The following NYAP2 variants were observed in gnomAD, a reference collection of about 807,000 sequenced individuals.
The protein encoded by NYAP2 is neuronal tyrosine-phosphorylated phosphoinositide-3-kinase adaptor 2.
Under a neutral mutation model 50.4 loss-of-function variants are expected in NYAP2, and 23 were observed. The observed-to-expected ratio is 0.46, with a 90% CI of 0.33 to 0.65. The LOEUF (loss-of-function observed/expected upper bound fraction) is 0.65. Among genes scored for constraint, NYAP2 ranks in the 30% least tolerant of loss-of-function variants. NYAP2 has a pLI of 0.02. For synonymous variants in NYAP2, 394 were observed against 365.2 expected, an observed-to-expected ratio of 1.08 and a Z score of -0.90; for missense variants, 885 against 861.0, an observed-to-expected ratio of 1.03 and a Z score of -0.35.
rs563365063 is a variant in NYAP2, at chr2:225,636,482, T to G, written c.1828+9356T>G. ...TAATCATGCCCTTGGTAATGTGCTT[T>G]CTTTTTTTTTTTTTAATTTCATTAT... On this transcript the variant is annotated intron_variant, in intron 6 of 6. Transcript: ENST00000636099. 4.4e-3 allele frequency among the ~76,000 whole-genome samples: 342 copies of G among 76,894 alleles called. 1 individual carries two copies. Among genetic ancestry groups the G allele is most frequent in the African/African-American group, 0.015 (328 of 21,498 alleles). The allele number at this position is 76,894 out of a possible 152,430, so 50.4% of individuals were successfully genotyped here.
chr2:225,615,238 C>A lies in NYAP2; in HGVS notation c.1619-11679C>A, dbSNP rs185920459. ...GGTCAGCATGTGGCTAGTCTCTTGA[C>A]TTCCTCAGTACAAACATAAATGAAA... On this transcript the variant is annotated intron_variant, in intron 5 of 6. Transcript: ENST00000636099. 2.0e-3 allele frequency among the ~76,000 whole-genome samples: 297 copies of A among 152,270 alleles called. 3 individuals are homozygous for A. Among genetic ancestry groups the A allele is most frequent in the Non-Finnish European group, 1.8e-3 (125 of 68,022 alleles).
At chr2:225,527,459 T>A (rs1691172362) in intron 4 of NYAP2, among the ~76,000 whole-genome samples, 1 of 152,232 alleles carries the variant, frequency 6.6e-6, no homozygotes, top group Non-Finnish European at 1.5e-5. Context: ...GAGTTCTTTC[T>A]CAAGCTTACA....
chr2:225,584,593 T>C (rs548081085), intron 5 of NYAP2, among the ~76,000 whole-genome samples: 2 of 152,358 alleles, frequency 1.3e-5, no homozygotes, highest in African/African-American at 4.8e-5. Context: ...CTGAGAACTT[T>C]CCTTAAAGGA....
intron 4 of NYAP2, among the ~76,000 whole-genome samples, chr2:225,531,078 C>A (rs895867320): frequency 3.9e-5 from 6 of 152,192 alleles, no homozygotes; most frequent in Non-Finnish European, 7.3e-5. Context: ...AATTATAGCA[C>A]CATTCTGCTC....
chr2:225,409,682 T>A (rs1695001202), intron 3 of NYAP2, among the ~76,000 whole-genome samples: 1 of 152,114 alleles, frequency 6.6e-6, no homozygotes, highest in South Asian at 2.1e-4. Context: ...ACCTACCAGC[T>A]ACTAGCTGGT....
At chr2:225,634,890 T>C (rs1693384297) in intron 6 of NYAP2, among the ~76,000 whole-genome samples, 1 of 152,174 alleles carries the variant, frequency 6.6e-6, no homozygotes, top group Non-Finnish European at 1.5e-5. Context: ...ATGGGGGCCA[T>C]TTACAATAAG....
At chr2:225,438,250 T>C (rs2106138776) in intron 3 of NYAP2, among the ~76,000 whole-genome samples, 1 of 152,342 alleles carries the variant, frequency 6.6e-6, no homozygotes, top group Admixed American at 6.5e-5. Context: ...TAGATGAGTT[T>C]CATCTGAAAA....
intron 5 of NYAP2, among the ~76,000 whole-genome samples, chr2:225,600,200 T>C (rs1316461124): frequency 6.6e-6 from 1 of 151,936 alleles, no homozygotes; most frequent in Non-Finnish European, 1.5e-5. Flanking sequence ...TCATAGGGAG[T>C]TGAAATTGTC....
chr2:225,483,161 T>C (rs73089786), intron 3 of NYAP2, among the ~76,000 whole-genome samples: 1,866 of 152,316 alleles, frequency 0.012, 42 homozygotes, highest in African/African-American at 0.043. Flanking sequence ...ATCATATACT[T>C]AAATATGTTT....
At chr2:225,467,575 A>C (rs909615078) in intron 3 of NYAP2, among the ~76,000 whole-genome samples, 1 of 152,144 alleles carries the variant, frequency 6.6e-6, no homozygotes, top group African/African-American at 2.4e-5. Context: ...TTCCATTTTT[A>C]AAAAATACCT....
chr2:225,463,185 G>A (rs1207613201), intron 3 of NYAP2, among the ~76,000 whole-genome samples: 2 of 152,236 alleles, frequency 1.3e-5, no homozygotes, highest in Non-Finnish European at 2.9e-5. Context: ...CATTGCATCA[G>A]TCTTGGATTT....
Position 225,582,318 on chromosome 2 carries a change from G to T in NYAP2, c.901G>T (p.Val301Leu). The T allele has an allele frequency of 6.2e-7, 1 of 1,614,008 alleles. No homozygotes were observed. The highest frequency in any genetic ancestry group is 1.1e-5 in the South Asian group (1 of 91,086). The change falls in exon 5 of 7, where the codon GTG (valine) becomes TTG (leucine). Residue 301 changes from valine (V) to leucine (L), a missense_variant. Coordinates refer to ENST00000636099, the Ensembl canonical transcript of NYAP2. This position sits in a 1 kb window ranked among gnomAD's most constrained non-coding sequence, Gnocchi z 7.0. ...TTCTTCGCAGTGTGCTACTCCCACG[G>T]TGCCTGACTTGGACTTCGCCAAGGC...
chr2:225,405,688 A>G (rs1360674971), intron 2 of NYAP2, among the ~76,000 whole-genome samples: 1 of 151,936 alleles, frequency 6.6e-6, no homozygotes, highest in Non-Finnish European at 1.5e-5. Flanking sequence ...TGTCTGAGAA[A>G]CACTTTGGGC....
intron 3 of NYAP2, among the ~76,000 whole-genome samples, chr2:225,409,887 TACTA>T (rs1226334695): frequency 6.6e-6 from 1 of 152,140 alleles, no homozygotes; most frequent in Non-Finnish European, 1.5e-5. Context: ...AAAGTTCACT[TACTA>T]AGTGCAAAAT....
intron 3 of NYAP2, among the ~76,000 whole-genome samples, chr2:225,432,144 A>ATT (rs751205603): frequency 0.029 from 3,513 of 119,428 alleles, 148 homozygotes; most frequent in African/African-American, 0.11. Flanking sequence ...CGCCCGCCTA[A>ATT]TTTTTTTTTT....
chr2:225,643,092 C>T (rs971334711), intron 6 of NYAP2, among the ~76,000 whole-genome samples: 1 of 152,044 alleles, frequency 6.6e-6, no homozygotes, highest in Non-Finnish European at 1.5e-5. Context: ...TGAGGTCATT[C>T]AATTATTTTA....
At chr2:225,617,965 GTAGTCTT>G (rs1183576452) in intron 5 of NYAP2, among the ~76,000 whole-genome samples, 2 of 152,172 alleles carry the variant, frequency 1.3e-5, no homozygotes, top group Non-Finnish European at 2.9e-5. Flanking sequence ...TGTGAAAGAT[GTAGTCTT>G]TAGTCTAAAG....
At chr2:225,484,769 G>A (rs758036840) in intron 3 of NYAP2, among the ~76,000 whole-genome samples, 19 of 152,334 alleles carry the variant, frequency 1.2e-4, no homozygotes, top group Non-Finnish European at 1.8e-4. Flanking sequence ...ACTTGAACAC[G>A]TGCTTTGAAA....
At chr2:225,499,711 T>C (rs1164405433) in intron 3 of NYAP2, among the ~76,000 whole-genome samples, 1 of 152,168 alleles carries the variant, frequency 6.6e-6, no homozygotes, top group Admixed American at 6.5e-5. Flanking sequence ...AGAACCCCTT[T>C]TGAGACTTTG....
Sources: gnomAD v4.1 joint callset for allele counts (sites outside exome capture counted in the v4.1 genomes callset) on GRCh38, gnomAD v4.1.1 for gene constraint, Gnocchi (gnomAD v3.1) non-coding constraint, MANE v1.5 for transcripts, NCBI Gene and HGNC (gene_info 2026-07-23, HGNC 2026-07-21) for gene names.